KCNAB2: variants seen among roughly 807,000 people sequenced by gnomAD.
KCNAB2 encodes the protein voltage-gated potassium channel subunit beta-2.
Under a neutral mutation model 63.6 loss-of-function variants are expected in KCNAB2, and 29 were observed. The observed-to-expected ratio is 0.46, with a 90% confidence interval of 0.34 to 0.62. The LOEUF is 0.62. Ranked by LOEUF, KCNAB2 falls within the 20% of genes least tolerant of loss-of-function variation. The pLI, the probability that KCNAB2 is intolerant of heterozygous loss-of-function variation, is 0.01. For synonymous variants in KCNAB2, 222 were observed against 224.2 expected (o/e 0.99, Z 0.09); for missense variants, 359 against 563.9 (o/e 0.64, Z 3.68).
intron 1 of KCNAB2, among the ~76,000 whole-genome samples, chr1:6,008,002 AGCTGTCTG>A (rs2100251774): frequency 6.6e-6 from 1 of 152,216 alleles, no homozygotes; most frequent in South Asian, 2.1e-4. Context: ...TGCTGCCTGG[AGCTGTCTG>A]GTTTGACATG....
intron 1 of KCNAB2, among the ~76,000 whole-genome samples, chr1:6,009,100 T>C (rs770717894): frequency 6.6e-6 from 1 of 152,184 alleles, no homozygotes; most frequent in Non-Finnish European, 1.5e-5. Context: ...TTTGAAGTGG[T>C]CCCTGACTGG....
rs1210270485 is a variant in KCNAB2, at chr1:6,037,872, CT to C, written c.-52-2625del. On this transcript the variant is annotated intron_variant, in intron 1 of 15. Transcript: ENST00000164247. ...CATCGTGCCTGGCCTGAATGAGGGT[CT>C]TTTTTTTTTTTTTTTTTTTGAGGCG... Among the ~76,000 whole-genome samples, 1,084 of 117,610 alleles carry C rather than the reference CT, an allele frequency of 9.2e-3. 5 individuals are homozygous for C. The highest frequency in any genetic ancestry group is 0.024 in the Middle Eastern group (5 of 208). 77.2% of individuals were successfully genotyped at this position (117,610 alleles called of 152,430 possible). A position where few individuals can be genotyped will look rare whatever the true frequency, so the allele number is the denominator to read the frequency against.
rs186886139 is a variant in KCNAB2 at position 6,083,659 on chromosome 1, C to G, written c.380+1385C>G. Among the ~76,000 whole-genome samples, 440 of 152,296 alleles carry G rather than the reference C, an allele frequency of 2.9e-3. 4 individuals carry two copies. The highest frequency in any genetic ancestry group is 0.01 in the African/African-American group (423 of 41,556). On this transcript the variant is annotated intron_variant, in intron 5 of 15. Transcript: ENST00000378083. ...CAGAGCTGAGCCCCCGGTGGACGCC[C>G]ATCAGTGCCCTCACAGGGGAGCTGG...
intron 1 of KCNAB2, among the ~76,000 whole-genome samples, chr1:6,013,024 G>T (rs956542421): frequency 4.6e-5 from 7 of 152,054 alleles, no homozygotes; most frequent in Admixed American, 1.3e-4. Context: ...ACCCTCTGTC[G>T]CCCTAAGAGG....
At chr1:6,037,367 G>C (rs759726777) in intron 1 of KCNAB2, among the ~76,000 whole-genome samples, 2 of 152,246 alleles carry the variant, frequency 1.3e-5, no homozygotes, top group African/African-American at 2.4e-5. Flanking sequence ...GGCTGTGTGA[G>C]GACATCCTGC....
intron 15 of KCNAB2, chr1:6,097,598 GC>G: frequency 1.4e-6 from 1 of 692,746 alleles, no homozygotes; most frequent in Non-Finnish European, 2.4e-6. Context: ...TAGGAGAGAA[GC>G]CAGAGATAAA....
At chr1:6,082,369 C>G in intron 5 of KCNAB2, 95 bp downstream of exon 5, 1 of 932,460 alleles carries the variant, frequency 1.1e-6, no homozygotes, top group Non-Finnish European at 1.8e-6. Context: ...CAAGAGTGCT[C>G]ACAAATGCAC....
intron 5 of KCNAB2, 130 bp from the exon 6 acceptor site, chr1:6,085,074 G>T (rs1459195109): frequency 2.2e-6 from 2 of 899,874 alleles, no homozygotes; most frequent in African/African-American, 1.6e-5. Context: ...GCCAAGGCGG[G>T]TGTTAACAGC....
intron 2 of KCNAB2, among the ~76,000 whole-genome samples, chr1:6,065,336 C>T (rs975708902): frequency 2.0e-5 from 3 of 152,242 alleles, no homozygotes; most frequent in Non-Finnish European, 4.4e-5. Flanking sequence ...CCAAGGCAGG[C>T]GGCTTGTGCA....
chr1:6,044,842 G>A (rs745477583), upstream of KCNAB2, among the ~76,000 whole-genome samples: 19 of 152,136 alleles, frequency 1.2e-4, no homozygotes, highest in Non-Finnish European at 2.1e-4. Flanking sequence ...AAAAAAGGAC[G>A]TCAGAAGCCA....
upstream of KCNAB2, among the ~76,000 whole-genome samples, chr1:6,043,954 G>A (rs1423714614): frequency 2.0e-5 from 3 of 152,222 alleles, no homozygotes; most frequent in African/African-American, 7.2e-5. Flanking sequence ...TCTCCAAGCT[G>A]CAAGTTGGAT....
At chr1:6,059,479 T>C (rs1255623260) in intron 2 of KCNAB2, among the ~76,000 whole-genome samples, 4 of 152,154 alleles carry the variant, frequency 2.6e-5, no homozygotes, top group Non-Finnish European at 5.9e-5. Context: ...CATGAGCCAC[T>C]GTGCCCAGCC....
chr1:6,053,343 C>T (rs1661544674), intron 2 of KCNAB2, among the ~76,000 whole-genome samples: 1 of 152,196 alleles, frequency 6.6e-6, no homozygotes, highest in Non-Finnish European at 1.5e-5. Context: ...TGAACAAGAG[C>T]AACCAGGTCC....
At chr1:6,064,736 C>G (rs958901697) in intron 2 of KCNAB2, among the ~76,000 whole-genome samples, 3 of 152,284 alleles carry the variant, frequency 2.0e-5, no homozygotes, top group Middle Eastern at 6.8e-3. Flanking sequence ...GTCACCCCAC[C>G]ACCTTCCAGT....
intron 1 of KCNAB2, chr1:6,027,382 G>A (rs1485661813): frequency 6.6e-6 from 1 of 152,444 alleles, no homozygotes; most frequent in Non-Finnish European, 1.5e-5. Flanking sequence ...GCTACTGAGT[G>A]AGCAGCCTGC....
At chr1:6,098,252 GCACCTTGA>G (rs1401080013) in intron 15 of KCNAB2, 2 of 1,330,326 alleles carry the variant, frequency 1.5e-6, no homozygotes, top group Non-Finnish European at 9.6e-7. Flanking sequence ...AGGTTCTAGG[GCACCTTGA>G]CATTTGAGAG....
intron 1 of KCNAB2, among the ~76,000 whole-genome samples, chr1:6,002,355 C>T (rs1657304737): frequency 6.6e-6 from 1 of 152,266 alleles, no homozygotes; most frequent in Admixed American, 6.5e-5. Flanking sequence ...AGGCCAGAGA[C>T]AGCCGTGGCC....
At chr1:6,002,865 C>T (rs906706434) in intron 1 of KCNAB2, among the ~76,000 whole-genome samples, 4 of 152,180 alleles carry the variant, frequency 2.6e-5, no homozygotes, top group African/African-American at 7.2e-5. Flanking sequence ...AGGACTCTGC[C>T]GTCACTGTTG....
chr1:6,066,507 G>A (rs1168090895), intron 2 of KCNAB2, among the ~76,000 whole-genome samples: 1 of 152,202 alleles, frequency 6.6e-6, no homozygotes, highest in African/African-American at 2.4e-5. Context: ...AGGGGGAGAT[G>A]GTGAGGGCGC....
Sources: allele counts gnomAD v4.1 joint callset (sites outside exome capture counted in the v4.1 genomes callset), GRCh38; gene constraint gnomAD v4.1.1; transcripts MANE v1.5; gene names NCBI Gene and HGNC (gene_info 2026-07-23, HGNC 2026-07-21).